The following PIK3CA variants were observed in gnomAD, a reference collection of about 807,000 sequenced individuals.
PIK3CA encodes the protein phosphatidylinositol-4,5-bisphosphate 3-kinase catalytic subunit alpha.
A neutral mutation model predicts 138.2 loss-of-function variants in PIK3CA; 27 were observed. The observed-to-expected ratio is 0.20, with a 90% CI of 0.14 to 0.27. PIK3CA has a LOEUF of 0.27. Ranked by LOEUF, PIK3CA falls within the 10% of genes least tolerant of loss-of-function variation. The pLI is 1.00. For missense variants in PIK3CA, 544 were observed against 1,277.4 expected (o/e 0.43, Z 8.75); for synonymous variants, 358 against 413.2 (o/e 0.87, Z 1.62).
At chr3:179,223,517 C>G (rs1423634905) in intron 14 of PIK3CA, among the ~76,000 whole-genome samples, 3 of 152,180 alleles carry the variant, frequency 2.0e-5, no homozygotes, top group African/African-American at 7.2e-5. Context: ...CACTAGACCA[C>G]TTTCACCCAG....
chr3:179,224,286 A>G (rs986915575), intron 15 of PIK3CA, 99 bp downstream of exon 15: 10 of 609,322 alleles, frequency 1.6e-5, no homozygotes, highest in African/African-American at 1.3e-4. Flanking sequence ...AGAATGTTCA[A>G]TAATTTATGC....
Position 179,235,659 on chromosome 3 carries a change from A to G in PIK3CA, c.*1295A>G. 4.8e-6 allele frequency: 1 copy of G among 206,380 alleles called. No individual in the cohort carries two copies. The highest frequency in any genetic ancestry group is 9.9e-6 in the Non-Finnish European group (1 of 100,838). 12.8% of individuals were successfully genotyped at this position (206,380 alleles called of 1,614,324 possible). ...ATTCCTTAAACCCCTTTACTGAAGT[A>G]TACTCATGAATAATACTTTAAAATA... On this transcript the variant is annotated 3_prime_UTR_variant, in exon 21 of 21. Coordinates refer to ENST00000263967, the MANE Select transcript of PIK3CA (RefSeq NM_006218.4).
chr3:179,197,896 C>T (rs1724308752), intron 1 of PIK3CA, among the ~76,000 whole-genome samples: 1 of 152,076 alleles, frequency 6.6e-6, no homozygotes, highest in South Asian at 2.1e-4. Flanking sequence ...AATTAAGGGC[C>T]TTCAACTCAT....
chr3:179,191,853 G>A (rs1240830124), intron 1 of PIK3CA, among the ~76,000 whole-genome samples: 2 of 152,046 alleles, frequency 1.3e-5, no homozygotes, highest in Non-Finnish European at 2.9e-5. Flanking sequence ...AGCCAGGCTG[G>A]TCTCAAACTC....
intron 1 of PIK3CA, among the ~76,000 whole-genome samples, chr3:179,150,175 G>GTGTGTT (rs1722974974): frequency 1.1e-5 from 1 of 88,144 alleles, no homozygotes; most frequent in African/African-American, 3.4e-5. Context: ...GTTTACGTGT[G>GTGTGTT]TGTGTGTGTG....
rs998185482 is a variant in PIK3CA at position 179,236,874 on chromosome 3, T to C, written c.*2510T>C. On this transcript the variant is annotated 3_prime_UTR_variant, in exon 21 of 21. Transcript: ENST00000263967. The stretch of plus-strand genomic sequence containing the variant: ...GATCTGTTTCAAGTCAGTGATAATA[T>C]AGCCACTTCTGGGTACTTCAGTATC... The C allele has an allele frequency of 3.4e-5, 7 of 207,924 alleles. No individual in the cohort carries two copies. The highest frequency in any genetic ancestry group is 1.1e-4 in the African/African-American group (5 of 43,990). The allele number at this position is 207,924 out of a possible 1,614,324, so 12.9% of individuals were successfully genotyped here.
intron 1 of PIK3CA, among the ~76,000 whole-genome samples, chr3:179,189,640 A>C (rs879914194): frequency 6.6e-6 from 1 of 152,220 alleles, no homozygotes; most frequent in South Asian, 2.1e-4. Context: ...CATGGGCCTC[A>C]TATTAGGAAA....
At chr3:179,165,226 A>G (rs910946805) in intron 1 of PIK3CA, among the ~76,000 whole-genome samples, 3 of 152,156 alleles carry the variant, frequency 2.0e-5, no homozygotes, top group Non-Finnish European at 4.4e-5. Context: ...TCACCCTAAA[A>G]TACAAAATTG....
At chr3:179,218,470 A>G (rs2108408903) in intron 10 of PIK3CA, 136 bp downstream of exon 10, 1 of 623,900 alleles carries the variant, frequency 1.6e-6, no homozygotes. Flanking sequence ...TTTAAACTAT[A>G]AACATTGCCT....
intron 9 of PIK3CA, among the ~76,000 whole-genome samples, chr3:179,212,697 TC>T (rs1347968402): frequency 6.6e-6 from 1 of 151,808 alleles, no homozygotes; most frequent in Non-Finnish European, 1.5e-5. Context: ...CTCCCCTACC[TC>T]CCAAAGTGCT....
intron 1 of PIK3CA, among the ~76,000 whole-genome samples, chr3:179,183,832 G>A (rs1723908830): frequency 6.6e-6 from 1 of 152,166 alleles, no homozygotes; most frequent in Non-Finnish European, 1.5e-5. Flanking sequence ...TACATCTAGA[G>A]CCAGACTTTT....
At chr3:179,233,342 G>C in intron 20 of PIK3CA, 1 of 398,192 alleles carries the variant, frequency 2.5e-6, no homozygotes. Flanking sequence ...ATTGGCCGTG[G>C]GTTTGTCACA....
chr3:179,192,218 C>G (rs985773148), intron 1 of PIK3CA, among the ~76,000 whole-genome samples: 6 of 152,168 alleles, frequency 3.9e-5, no homozygotes, highest in Non-Finnish European at 8.8e-5. Context: ...GGTAAACTAT[C>G]TTGCCTGAAT....
chr3:179,224,159 A>C lies in PIK3CA; in HGVS notation c.2266A>C (p.Asn756His). Residue 756 changes from asparagine to histidine, a missense_variant, in exon 15 of 21, where the codon AAC becomes CAC. Physicochemically the swap from Asn to His is moderately conservative, Grantham distance 68 (BLOSUM62 1). Coordinates refer to ENST00000263967, the MANE Select transcript of PIK3CA (RefSeq NM_006218.4). ...TCTACAGGGCTTTCTGTCTCCTCTA[A>C]ACCCTGCTCATCAACTAGGAAACCT... ...DALQGFLSPLNPAHQLGNLRL... is the reference protein window; with the variant it reads ...DALQGFLSPLHPAHQLGNLRL... 1 of 1,583,244 alleles carries C rather than the reference A, an allele frequency of 6.3e-7. No homozygotes were observed. Among genetic ancestry groups the C allele is most frequent in the Non-Finnish European group, 8.6e-7 (1 of 1,158,256 alleles).
intron 4 of PIK3CA, 134 bp downstream of exon 4, chr3:179,201,674 C>T (rs1464583881): frequency 5.1e-6 from 3 of 585,070 alleles, no homozygotes; most frequent in East Asian, 3.2e-5. Context: ...GGCGCGATCT[C>T]GGCTCACTGC....
At chr3:179,173,061 C>A (rs1281485160) in intron 1 of PIK3CA, among the ~76,000 whole-genome samples, 1 of 151,732 alleles carries the variant, frequency 6.6e-6, no homozygotes, top group African/African-American at 2.4e-5. Flanking sequence ...ATTGGTATAT[C>A]CTATAGATCT....
At chr3:179,190,882 G>A (rs1202160008) in intron 1 of PIK3CA, among the ~76,000 whole-genome samples, 16 of 152,158 alleles carry the variant, frequency 1.1e-4, no homozygotes, top group Admixed American at 1.0e-3. Context: ...TGGGCTTAAG[G>A]CTCCTGGAGG....
At chr3:179,199,205 G>A (rs1427035336) in intron 2 of PIK3CA, 28 bp downstream of exon 2, 1 of 1,405,266 alleles carries the variant, frequency 7.1e-7, no homozygotes, top group Non-Finnish European at 9.7e-7. Context: ...ATTCTAAAAT[G>A]CAAATAACCA....
chr3:179,156,044 G>T (rs1299493725), intron 1 of PIK3CA, among the ~76,000 whole-genome samples: 2 of 152,094 alleles, frequency 1.3e-5, no homozygotes, highest in Admixed American at 6.6e-5. Context: ...TTTTATTTCA[G>T]GGAAGAGTAA....
Sources: gnomAD v4.1 joint callset for allele counts (sites outside exome capture counted in the v4.1 genomes callset) on GRCh38, gnomAD v4.1.1 for gene constraint, MANE v1.5 for transcripts, NCBI Gene and HGNC (gene_info 2026-07-23, HGNC 2026-07-21) for gene names.